KCNIP4: variants seen among roughly 807,000 people sequenced by gnomAD.
KCNIP4 encodes the protein Kv channel-interacting protein 4.
In KCNIP4, 12 loss-of-function variants were observed where a neutral mutation model predicts 34.0. The ratio of observed to expected loss-of-function variants is 0.35; its 90% confidence interval spans 0.23 to 0.57. KCNIP4 has a LOEUF of 0.57. Among genes scored for constraint, KCNIP4 ranks in the 20% least tolerant of loss-of-function variants. The pLI, the probability that KCNIP4 is intolerant of heterozygous loss-of-function variation, is 0.83. For synonymous variants in KCNIP4, 124 were observed against 102.2 expected (o/e 1.21, Z -1.29); for missense variants, 238 against 311.7 (o/e 0.76, Z 1.78).
chr4:21,822,040 T>G (rs1263545533), intron 1 of KCNIP4, among the ~76,000 whole-genome samples: 1 of 152,142 alleles, frequency 6.6e-6, no homozygotes, highest in African/African-American at 2.4e-5. Flanking sequence ...CTCCAACTTA[T>G]TTAGCTTCCA....
intron 1 of KCNIP4, among the ~76,000 whole-genome samples, chr4:21,311,030 A>G (rs1231006801): frequency 6.6e-6 from 1 of 152,200 alleles, no homozygotes; most frequent in Non-Finnish European, 1.5e-5. Context: ...TTAAATCCCC[A>G]CTTTGTTTCT....
At chr4:21,071,562 ACTTGGCTGTC>A (rs1744924276) in intron 1 of KCNIP4, among the ~76,000 whole-genome samples, 1 of 152,136 alleles carries the variant, frequency 6.6e-6, no homozygotes, top group Non-Finnish European at 1.5e-5. Context: ...ATTGTAGTAT[ACTTGGCTGTC>A]TATACAATTT....
At chr4:21,110,942 A>G (rs1173639035) in intron 1 of KCNIP4, among the ~76,000 whole-genome samples, 1 of 152,222 alleles carries the variant, frequency 6.6e-6, no homozygotes, top group Non-Finnish European at 1.5e-5. Context: ...ACAGCCAAGG[A>G]CATTTATAAA....
chr4:20,921,093 C>G (rs1729353897), intron 1 of KCNIP4, among the ~76,000 whole-genome samples: 3 of 152,100 alleles, frequency 2.0e-5, no homozygotes, highest in Admixed American at 2.0e-4. Context: ...GGGGTTGTTT[C>G]TACAGTCCAG....
intron 1 of KCNIP4, among the ~76,000 whole-genome samples, chr4:21,199,150 T>C (rs1756278674): frequency 6.6e-6 from 1 of 152,222 alleles, no homozygotes; most frequent in African/African-American, 2.4e-5. Flanking sequence ...ATCGCCACAC[T>C]AACTTCCACA....
chr4:20,857,246 C>A (rs1560519231), intron 2 of KCNIP4, among the ~76,000 whole-genome samples: 1 of 152,030 alleles, frequency 6.6e-6, no homozygotes. Flanking sequence ...ACCACCGAAC[C>A]CAATCAACTC....
chr4:21,309,691 T>C (rs1712913213), intron 1 of KCNIP4, among the ~76,000 whole-genome samples: 1 of 152,150 alleles, frequency 6.6e-6, no homozygotes, highest in African/African-American at 2.4e-5. Flanking sequence ...AATTGAGGAA[T>C]GGAGGCCTCA....
intron 1 of KCNIP4, chr4:21,849,066 T>A (rs982769772): frequency 2.0e-5 from 3 of 152,042 alleles, no homozygotes; most frequent in African/African-American, 7.2e-5. Flanking sequence ...AATCATTCCT[T>A]CTAAGAGAAA....
rs183196209 is a variant in KCNIP4 at position 21,254,050 on chromosome 4, G to A, written c.62-371341C>T. Among the ~76,000 whole-genome samples the A allele has an allele frequency of 1.5e-4, 23 of 152,316 alleles. No individual in the cohort carries two copies. In the East Asian group the frequency reaches 4.0e-3, roughly 27 times the overall value. On this transcript the variant is annotated intron_variant, in intron 1 of 8. Transcript: ENST00000382152. The stretch of plus-strand genomic sequence containing the variant: ...TGATTGCCAGGGGTAAGGGAGAGGT[G>A]AGAAACGAAGAACAACTGCTTAATG...
intron 1 of KCNIP4, among the ~76,000 whole-genome samples, chr4:21,095,723 C>T (rs55685843): frequency 0.16 from 24,180 of 152,010 alleles, 2,012 homozygotes; most frequent in East Asian, 0.23. Flanking sequence ...TTCTCCCAAA[C>T]ATATGTGACT....
chr4:21,625,031 G>T (rs980585330), intron 1 of KCNIP4, among the ~76,000 whole-genome samples: 1 of 152,008 alleles, frequency 6.6e-6, no homozygotes, highest in Non-Finnish European at 1.5e-5. Context: ...ATGATCTGAG[G>T]TTCCAAATTA....
At chr4:20,872,333 TTTTA>T (rs1723564259) in intron 2 of KCNIP4, among the ~76,000 whole-genome samples, 1 of 152,160 alleles carries the variant, frequency 6.6e-6, no homozygotes, top group Non-Finnish European at 1.5e-5. Flanking sequence ...TACTTCCTCT[TTTTA>T]ATGAAACCTT....
At chr4:21,248,516 A>G (rs1428904715) in intron 1 of KCNIP4, among the ~76,000 whole-genome samples, 1 of 152,108 alleles carries the variant, frequency 6.6e-6, no homozygotes, top group Non-Finnish European at 1.5e-5. Flanking sequence ...TAACTGGAGA[A>G]TTTCCAAATG....
chr4:21,056,764 G>A (rs1280091806), intron 1 of KCNIP4, among the ~76,000 whole-genome samples: 1 of 152,122 alleles, frequency 6.6e-6, no homozygotes, highest in Non-Finnish European at 1.5e-5. Context: ...TGGACTGAAT[G>A]TTTGTGTCCC....
chr4:21,480,748 G>A (rs986482688), intron 1 of KCNIP4, among the ~76,000 whole-genome samples: 3 of 152,008 alleles, frequency 2.0e-5, no homozygotes, highest in African/African-American at 7.2e-5. Flanking sequence ...TGTAGAAACT[G>A]TAAAACATAA....
At position 21,020,482 on chromosome 4, in the gene KCNIP4, G is replaced by T. The variant is rs1351178787; in HGVS notation, c.62-137773C>A. On this transcript the variant is annotated intron_variant, in intron 1 of 8. Coordinates refer to ENST00000382152, the MANE Select transcript of KCNIP4 (RefSeq NM_025221.6). ...GATGATACTCCCTCTTCTGCCTGTA[G>T]ATAGGTAAACACCCTCTGCACCCTA... is the stretch of plus-strand genomic sequence containing the variant. Among the ~76,000 whole-genome samples, 22 of 152,172 alleles carry T rather than the reference G, an allele frequency of 1.4e-4. No homozygotes were observed. In the East Asian group the frequency reaches 4.1e-3, roughly 28 times the overall value.
intron 1 of KCNIP4, among the ~76,000 whole-genome samples, chr4:21,413,593 A>G (rs553622029): frequency 2.3e-4 from 35 of 152,294 alleles, no homozygotes; most frequent in African/African-American, 8.4e-4. Flanking sequence ...CACTGCAATG[A>G]ACTGTTTTAT....
chr4:20,870,594 A>G (rs528447211), intron 2 of KCNIP4, among the ~76,000 whole-genome samples: 43 of 152,242 alleles, frequency 2.8e-4, no homozygotes, highest in African/African-American at 1.0e-3. Flanking sequence ...TTTTGCAGGC[A>G]CTTCTTGCTG....
intron 1 of KCNIP4, among the ~76,000 whole-genome samples, chr4:21,400,461 T>C (rs1577303829): frequency 7.7e-6 from 1 of 129,532 alleles, no homozygotes; most frequent in South Asian, 2.4e-4. Flanking sequence ...TATTTTTCTT[T>C]CTGTTCCTCT....
Sources: gnomAD v4.1 joint callset for allele counts (sites outside exome capture counted in the v4.1 genomes callset) on GRCh38, gnomAD v4.1.1 for gene constraint, MANE v1.5 for transcripts, NCBI Gene and HGNC (gene_info 2026-07-23, HGNC 2026-07-21) for gene names.